The following EDAR variants were observed in gnomAD, a reference collection of about 807,000 sequenced individuals.
The protein encoded by EDAR is ectodysplasin A receptor.
Under a neutral mutation model 51.3 loss-of-function variants are expected in EDAR, and 38 were observed. The ratio of observed to expected loss-of-function variants is 0.74; its 90% CI spans 0.57 to 0.97. EDAR has a LOEUF of 0.97. EDAR is among the 50% of genes least tolerant of loss of function. The pLI is 0.00. For synonymous variants in EDAR, 227 were observed against 242.1 expected, an observed-to-expected ratio of 0.94 and a Z score of 0.58; for missense variants, 528 against 595.0, an observed-to-expected ratio of 0.89 and a Z score of 1.17.
rs1696599494 is a variant in EDAR, at chr2:108,896,678, G to T, written c.*229C>A. The T allele has an allele frequency of 1.8e-6, 1 of 566,200 alleles. No homozygotes were observed. The highest frequency in any genetic ancestry group is 3.2e-6 in the Non-Finnish European group (1 of 317,284). 35.1% of individuals were successfully genotyped at this position (566,200 alleles called of 1,614,324 possible). Reference sequence around the variant, plus strand: ...GTATGAGTGAGTAGATATTTACTCTGCCTGGTGAGGTACAGGCGAGCATCT... The same window carrying T: ...GTATGAGTGAGTAGATATTTACTCTTCCTGGTGAGGTACAGGCGAGCATCT... On this transcript the variant is annotated 3_prime_UTR_variant, in exon 12 of 12. Coordinates refer to ENST00000258443, the MANE Select transcript of EDAR (RefSeq NM_022336.4).
At chr2:108,956,127 A>C (rs1697921557) in intron 1 of EDAR, among the ~76,000 whole-genome samples, 1 of 152,232 alleles carries the variant, frequency 6.6e-6, no homozygotes, top group African/African-American at 2.4e-5. Context: ...TATTCTTAAC[A>C]ACAGCCTTTT....
intron 5 of EDAR, among the ~76,000 whole-genome samples, chr2:108,922,481 C>T (rs1024641723): frequency 1.3e-5 from 2 of 152,230 alleles, no homozygotes; most frequent in Admixed American, 1.3e-4. Flanking sequence ...CAGAACCCTC[C>T]TCCTGGCTTG....
At chr2:108,949,506 T>A (rs989629763) in intron 1 of EDAR, among the ~76,000 whole-genome samples, 5 of 152,218 alleles carry the variant, frequency 3.3e-5, no homozygotes, top group African/African-American at 9.7e-5. Context: ...TATGGGGACA[T>A]CCACTTCCTG....
At chr2:108,941,048 C>G (rs1697583726) in intron 1 of EDAR, among the ~76,000 whole-genome samples, 1 of 152,186 alleles carries the variant, frequency 6.6e-6, no homozygotes, top group African/African-American at 2.4e-5. Context: ...CACCGGTCAT[C>G]ACTATAAATT....
chr2:108,971,146 A>C (rs746395856), intron 1 of EDAR, among the ~76,000 whole-genome samples: 35 of 152,182 alleles, frequency 2.3e-4, no homozygotes, highest in Non-Finnish European at 4.0e-4. Context: ...GCAGGCGGTC[A>C]GACCCTGATG....
intron 1 of EDAR, among the ~76,000 whole-genome samples, chr2:108,980,749 T>C (rs959177976): frequency 2.0e-5 from 3 of 151,918 alleles, no homozygotes; most frequent in Non-Finnish European, 4.4e-5. Context: ...AGGGAACAAA[T>C]GCGGCAGCCC....
rs1339751710 is a variant in EDAR, at chr2:108,930,974, G to C, written c.41C>G (p.Pro14Arg). Residue 14 changes from proline to arginine, a missense_variant, in exon 2 of 12, where the codon CCC becomes CGC. Pro to Arg is a moderately radical substitution (Grantham distance 103). Transcript: ENST00000258443. ...GCTCAGACCACTTACCACCAGGACG[G>C]GGAGCCAGGGCGTCTGCGTGCAGTC... ...VGDCTQTPWL[P>R]VLVVSLMCSA... The C allele has an allele frequency of 1.2e-6, 2 of 1,613,846 alleles. No homozygotes were observed. The highest frequency in any genetic ancestry group is 2.7e-5 in the African/African-American group (2 of 74,936).
chr2:108,959,648 G>A (rs937203014), intron 1 of EDAR, among the ~76,000 whole-genome samples: 11 of 152,156 alleles, frequency 7.2e-5, no homozygotes, highest in African/African-American at 2.2e-4. Context: ...TGTGGCATGC[G>A]CCCTGGGACT....
chr2:108,956,919 G>C (rs1697938019), intron 1 of EDAR, among the ~76,000 whole-genome samples: 1 of 152,080 alleles, frequency 6.6e-6, no homozygotes, highest in Non-Finnish European at 1.5e-5. Context: ...CTCCCGAGTA[G>C]CTGGGATTAC....
At chr2:108,952,031 T>C (rs1697836877) in intron 1 of EDAR, among the ~76,000 whole-genome samples, 1 of 152,254 alleles carries the variant, frequency 6.6e-6, no homozygotes, top group Non-Finnish European at 1.5e-5. Flanking sequence ...AAGCATGTTT[T>C]ATTTTTCTCT....
chr2:108,935,396 G>A (rs772474599), intron 1 of EDAR, among the ~76,000 whole-genome samples: 8 of 152,152 alleles, frequency 5.3e-5, no homozygotes, highest in African/African-American at 1.9e-4. Flanking sequence ...TCTCAGCCCC[G>A]CCCAGACCTG....
chr2:108,985,261 C>T (rs1220623121), intron 1 of EDAR, among the ~76,000 whole-genome samples: 2 of 152,194 alleles, frequency 1.3e-5, no homozygotes, highest in African/African-American at 2.4e-5. Flanking sequence ...TGCTACACTG[C>T]GGGCCTCAGG....
intron 1 of EDAR, among the ~76,000 whole-genome samples, chr2:108,983,002 T>TA (rs1033482286): frequency 2.0e-5 from 3 of 152,188 alleles, no homozygotes; most frequent in African/African-American, 7.2e-5. Flanking sequence ...AAATGGTACT[T>TA]ATTGGAGATT....
At chr2:108,966,002 C>T (rs758718196) in intron 1 of EDAR, among the ~76,000 whole-genome samples, 24 of 152,306 alleles carry the variant, frequency 1.6e-4, no homozygotes, top group Middle Eastern at 3.4e-3. Context: ...CTTTGAGTGA[C>T]ACCTTCCCTT....
intron 11 of EDAR, among the ~76,000 whole-genome samples, chr2:108,897,911 A>G (rs920957647): frequency 6.6e-6 from 1 of 152,208 alleles, no homozygotes; most frequent in Non-Finnish European, 1.5e-5. Flanking sequence ...CAGACCAACT[A>G]GGGACCTCGA....
chr2:108,968,132 C>T (rs1574410521), intron 1 of EDAR, among the ~76,000 whole-genome samples: 1 of 152,162 alleles, frequency 6.6e-6, no homozygotes, highest in Non-Finnish European at 1.5e-5. Context: ...CAGCCACCAC[C>T]TGGGGAAGGC....
In EDAR at chr2:108,910,800, C is replaced by T. The variant is rs1438126630; in HGVS notation, c.706G>A (p.Asp236Asn). ...CCTGGGGCCTCTTTCTTCTCCTCGT[C>T]CTTGCTCACTTGGGCCTCCACGCTC... ...GKSVEAQVSK[D>N]EEKKEAPDNV... The change falls in exon 8 of 12, where the codon GAC (aspartate) becomes AAC (asparagine). Residue 236 changes from aspartate to asparagine, a missense_variant. Coordinates refer to ENST00000258443, the MANE Select transcript of EDAR (RefSeq NM_022336.4). The T allele has an allele frequency of 1.2e-6, 2 of 1,613,728 alleles. No individual in the cohort carries two copies. Among genetic ancestry groups the T allele is most frequent in the Admixed American group, 1.7e-5 (1 of 60,024 alleles).
intron 5 of EDAR, among the ~76,000 whole-genome samples, chr2:108,913,010 G>A (rs977528759): frequency 6.0e-5 from 9 of 150,626 alleles, no homozygotes; most frequent in East Asian, 1.9e-4. Flanking sequence ...GTGCAGTGGC[G>A]TGATCTCGGC....
intron 5 of EDAR, among the ~76,000 whole-genome samples, chr2:108,917,237 A>G (rs932526276): frequency 1.3e-5 from 2 of 152,218 alleles, no homozygotes; most frequent in Admixed American, 1.3e-4. Flanking sequence ...TGGAAGCCAA[A>G]GGAGTGGATC....
Sources: gnomAD v4.1 joint callset for allele counts (sites outside exome capture counted in the v4.1 genomes callset) on GRCh38, gnomAD v4.1.1 for gene constraint, MANE v1.5 for transcripts, NCBI Gene and HGNC (gene_info 2026-07-23, HGNC 2026-07-21) for gene names.